Variants in ADAMTS20 observed in about 807,000 individuals in gnomAD.
ADAMTS20 encodes the protein A disintegrin and metalloproteinase with thrombospondin motifs 20.
Under a neutral mutation model 260.1 loss-of-function variants are expected in ADAMTS20, and 225 were observed. The observed-to-expected ratio is 0.87, with a 90% CI of 0.78 to 0.97. ADAMTS20 has a LOEUF of 0.97. Among genes scored for constraint, ADAMTS20 ranks in the 50% least tolerant of loss-of-function variants. ADAMTS20 has a pLI of 0.00. For missense variants in ADAMTS20, 2,400 were observed against 2,337.7 expected (o/e 1.03, Z -0.55); for synonymous variants, 802 against 769.5 (o/e 1.04, Z -0.70).
intron 29 of ADAMTS20, among the ~76,000 whole-genome samples, chr12:43,396,529 A>G (rs967233898): frequency 3.9e-5 from 6 of 152,162 alleles, no homozygotes; most frequent in African/African-American, 1.2e-4. Flanking sequence ...TCAAAAGGCA[A>G]TGACTTCACA....
At chr12:43,437,605 A>T (rs1056642842) in intron 18 of ADAMTS20, among the ~76,000 whole-genome samples, 9 of 152,198 alleles carry the variant, frequency 5.9e-5, no homozygotes, top group African/African-American at 1.9e-4. Context: ...TTCTCTATTT[A>T]TACCAGCTAA....
chr12:43,481,905 C>T (rs1482570096), intron 7 of ADAMTS20, among the ~76,000 whole-genome samples: 1 of 152,100 alleles, frequency 6.6e-6, no homozygotes, highest in African/African-American at 2.4e-5. Flanking sequence ...CAATGGGCAA[C>T]AGCCTACATC....
At chr12:43,525,855 C>T (rs1411618402) in intron 3 of ADAMTS20, among the ~76,000 whole-genome samples, 1 of 152,130 alleles carries the variant, frequency 6.6e-6, no homozygotes, top group African/African-American at 2.4e-5. Flanking sequence ...ATGCACCTAA[C>T]ACTGGAGCTC....
intron 31 of ADAMTS20, among the ~76,000 whole-genome samples, chr12:43,379,337 T>A (rs186059962): frequency 2.6e-5 from 4 of 152,252 alleles, no homozygotes; most frequent in Admixed American, 2.6e-4. Flanking sequence ...GGGAATAAGA[T>A]GTCCATCAGA....
At chr12:43,527,757 A>G (rs142371651) in intron 3 of ADAMTS20, among the ~76,000 whole-genome samples, 1 of 152,164 alleles carries the variant, frequency 6.6e-6, no homozygotes, top group African/African-American at 2.4e-5. Flanking sequence ...AGTTGAAAGC[A>G]TTCCCCCTGA....
At chr12:43,482,661 A>T (rs1486507641) in intron 7 of ADAMTS20, among the ~76,000 whole-genome samples, 3 of 152,152 alleles carry the variant, frequency 2.0e-5, no homozygotes, top group Admixed American at 2.0e-4. Flanking sequence ...TGCCTGACCC[A>T]TCCCCAACCT....
intron 28 of ADAMTS20, among the ~76,000 whole-genome samples, chr12:43,405,726 T>A (rs780243640): frequency 6.6e-6 from 1 of 152,190 alleles, no homozygotes; most frequent in Admixed American, 6.5e-5. Flanking sequence ...AATTTCACTT[T>A]GGCTTTTGAA....
chr12:43,419,649 A>G (rs1329284800), intron 28 of ADAMTS20, among the ~76,000 whole-genome samples: 1 of 152,094 alleles, frequency 6.6e-6, no homozygotes, highest in Non-Finnish European at 1.5e-5. Flanking sequence ...AGAAAAAAAC[A>G]TGGCCTATAA....
chr12:43,379,918 A>G (rs904720678), intron 31 of ADAMTS20, among the ~76,000 whole-genome samples: 1 of 152,152 alleles, frequency 6.6e-6, no homozygotes, highest in African/African-American at 2.4e-5. Flanking sequence ...TTCCACAGAT[A>G]GAATAAAAAG....
chr12:43,373,535 G>A (rs928205813), intron 36 of ADAMTS20, among the ~76,000 whole-genome samples: 3 of 151,924 alleles, frequency 2.0e-5, no homozygotes, highest in African/African-American at 7.3e-5. Context: ...ATCTCAAAAT[G>A]TTTTAAGAAA....
intron 29 of ADAMTS20, among the ~76,000 whole-genome samples, chr12:43,385,895 G>A (rs553660448): frequency 3.3e-5 from 5 of 152,234 alleles, no homozygotes; most frequent in South Asian, 2.1e-4. Flanking sequence ...GGGTTTATGC[G>A]TCCTGGAATT....
intron 2 of ADAMTS20, among the ~76,000 whole-genome samples, chr12:43,549,633 A>C (rs1009349521): frequency 2.0e-5 from 3 of 152,160 alleles, no homozygotes; most frequent in East Asian, 3.8e-4. Flanking sequence ...ACTAAACATT[A>C]TTTTAGAAAG....
chr12:43,428,940 T>C, intron 24 of ADAMTS20, 141 bp from the exon 25 acceptor site: 1 of 689,886 alleles, frequency 1.4e-6, no homozygotes. Flanking sequence ...TTACCTGACA[T>C]CACTTCTGAG....
intron 7 of ADAMTS20, among the ~76,000 whole-genome samples, chr12:43,475,993 T>C (rs1942346726): frequency 1.4e-5 from 2 of 138,760 alleles, no homozygotes; most frequent in South Asian, 2.6e-4. Flanking sequence ...AATTGACAAA[T>C]GGGATCTAAA....
chr12:43,465,602 A>G (rs1185783861), intron 9 of ADAMTS20, among the ~76,000 whole-genome samples: 1 of 152,086 alleles, frequency 6.6e-6, no homozygotes, highest in Non-Finnish European at 1.5e-5. Context: ...TAAAAGGAAA[A>G]ATATAAATTT....
At chr12:43,527,255 A>T (rs1231987321) in intron 3 of ADAMTS20, among the ~76,000 whole-genome samples, 3 of 152,190 alleles carry the variant, frequency 2.0e-5, no homozygotes, top group African/African-American at 7.2e-5. Flanking sequence ...GAATTCTACC[A>T]CACGTCTATT....
chr12:43,362,351 CTGAATGGAA>C (rs1939888485), intron 37 of ADAMTS20, among the ~76,000 whole-genome samples: 1 of 152,092 alleles, frequency 6.6e-6, no homozygotes. Context: ...GGGAAGGCAA[CTGAATGGAA>C]AGTAGTAGGT....
chr12:43,538,365 T>C (rs144782878), intron 2 of ADAMTS20, among the ~76,000 whole-genome samples: 6 of 152,364 alleles, frequency 3.9e-5, no homozygotes, highest in Non-Finnish European at 7.4e-5. Context: ...GATCAAATTA[T>C]TCAATGTTTT....
At chr12:43,478,382 G>C (rs1163993108) in intron 7 of ADAMTS20, among the ~76,000 whole-genome samples, 1 of 151,948 alleles carries the variant, frequency 6.6e-6, no homozygotes, top group Non-Finnish European at 1.5e-5. Flanking sequence ...GAAAAAAAAT[G>C]AAAGCACAGA....
Sources: allele counts gnomAD v4.1 joint callset (sites outside exome capture counted in the v4.1 genomes callset), GRCh38; gene constraint gnomAD v4.1.1; transcripts MANE v1.5; gene names NCBI Gene and HGNC (gene_info 2026-07-23, HGNC 2026-07-21).